ADAMTS16: variants seen among roughly 807,000 people sequenced by gnomAD.
The protein encoded by ADAMTS16 is A disintegrin and metalloproteinase with thrombospondin motifs 16.
In ADAMTS16, 94 loss-of-function variants were observed where a neutral mutation model predicts 145.8. The observed-to-expected ratio is 0.64, with a 90% confidence interval of 0.55 to 0.77. The LOEUF (loss-of-function observed/expected upper bound fraction) is 0.77, where lower values mean the gene tolerates loss of function less well. Among genes scored for constraint, ADAMTS16 ranks in the 30% least tolerant of loss-of-function variants. ADAMTS16 has a pLI of 0.00. For synonymous variants in ADAMTS16, 659 were observed against 604.3 expected, an observed-to-expected ratio of 1.09 and a Z score of -1.33; for missense variants, 1,585 against 1,591.5, an observed-to-expected ratio of 1.00 and a Z score of 0.07.
intron 11 of ADAMTS16, among the ~76,000 whole-genome samples, chr5:5,231,704 T>C (rs1241791515): frequency 6.6e-6 from 1 of 152,190 alleles, no homozygotes; most frequent in African/African-American, 2.4e-5. Context: ...GTGCAGTGAA[T>C]TTGCCATGCG....
chr5:5,301,747 C>T (rs1183113208), intron 18 of ADAMTS16, among the ~76,000 whole-genome samples: 2 of 152,180 alleles, frequency 1.3e-5, no homozygotes, highest in Non-Finnish European at 2.9e-5. Context: ...CACAAGTCCT[C>T]GGGTTTACCC....
At chr5:5,230,010 T>C (rs1736877987) in intron 11 of ADAMTS16, among the ~76,000 whole-genome samples, 1 of 152,154 alleles carries the variant, frequency 6.6e-6, no homozygotes, top group African/African-American at 2.4e-5. Context: ...AGGCATTCTG[T>C]GTGCATATAC....
At chr5:5,173,985 G>A (rs894634646) in intron 3 of ADAMTS16, among the ~76,000 whole-genome samples, 6 of 152,088 alleles carry the variant, frequency 3.9e-5, no homozygotes, top group African/African-American at 1.4e-4. Flanking sequence ...ATTTACAAAC[G>A]TAATTACAGT....
intron 18 of ADAMTS16, among the ~76,000 whole-genome samples, chr5:5,300,133 C>T (rs759915489): frequency 3.9e-5 from 6 of 152,098 alleles, no homozygotes; most frequent in Admixed American, 6.5e-5. Context: ...CTTAACGAGG[C>T]GGTGTGAAAA....
chr5:5,272,428 C>G (rs1425954243), intron 18 of ADAMTS16, among the ~76,000 whole-genome samples: 7 of 140,956 alleles, frequency 5.0e-5, no homozygotes, highest in Non-Finnish European at 9.0e-5. Flanking sequence ...GTGGCGCAAT[C>G]TCGGCTCACT....
chr5:5,197,477 C>T (rs1372201033), intron 8 of ADAMTS16, among the ~76,000 whole-genome samples: 1 of 152,182 alleles, frequency 6.6e-6, no homozygotes, highest in African/African-American at 2.4e-5. Flanking sequence ...AGTCCACTGG[C>T]AGTGGGGCTG....
At position 5,189,984 on chromosome 5, in the gene ADAMTS16, T is replaced by A. The variant is rs755342497; in HGVS notation, c.1061T>A (p.Ile354Lys). 4 of 1,610,904 alleles carry A rather than the reference T, an allele frequency of 2.5e-6. No homozygotes were observed. Among genetic ancestry groups the A allele is most frequent in the Non-Finnish European group, 3.4e-6 (4 of 1,178,910 alleles). ...LLEDEQPGLV[I>K]SHHADHTLSS... ...TCTCTTGCACAGCCAGGACTGGTGA[T>A]AAGTCACCACGCAGACCACACCTTA... is the stretch of plus-strand genomic sequence containing the variant. The change falls in exon 7 of 23, where the codon ATA (isoleucine) becomes AAA (lysine). Residue 354 changes from isoleucine (I) to lysine (K), a missense_variant. Physicochemically the swap from Ile to Lys is moderately radical, Grantham distance 102. This residue lies in a region of ADAMTS16 where 298 missense variants were observed against 367.6 expected (regional missense o/e 0.81). Coordinates refer to ENST00000274181, the MANE Select transcript of ADAMTS16 (RefSeq NM_139056.4).
Position 5,310,162 on chromosome 5 carries a change from G to T in ADAMTS16, c.3411+3434G>T, listed in dbSNP as rs536438119. On this transcript the variant is annotated intron_variant, in intron 21 of 22. Coordinates refer to ENST00000274181, the MANE Select transcript of ADAMTS16 (RefSeq NM_139056.4). The surrounding 1 kb of genome is among the most constrained non-coding windows in gnomAD (Gnocchi z 4.3). ...GCAGCCAAGCATCCCCCAAATGCTT[G>T]GTCAGATGGAACCATTTGTCCCTGA... Among the ~76,000 whole-genome samples the T allele has an allele frequency of 8.5e-5, 13 of 152,126 alleles. 1 individual carries two copies. In the South Asian group the frequency reaches 2.7e-3, roughly 32 times the overall value.
At chr5:5,312,122 T>G (rs1740477603) in intron 21 of ADAMTS16, among the ~76,000 whole-genome samples, 1 of 152,168 alleles carries the variant, frequency 6.6e-6, no homozygotes, top group Non-Finnish European at 1.5e-5. Context: ...CTGCAGGGAC[T>G]GGGAACCCGG....
intron 3 of ADAMTS16, among the ~76,000 whole-genome samples, chr5:5,160,769 A>AC (rs1734721570): frequency 2.0e-5 from 3 of 151,988 alleles, no homozygotes; most frequent in African/African-American, 4.8e-5. Context: ...AAAAAAAAAA[A>AC]AAACCAGCTT....
intron 18 of ADAMTS16, among the ~76,000 whole-genome samples, chr5:5,298,743 T>C (rs1157267145): frequency 1.3e-5 from 2 of 152,256 alleles, no homozygotes; most frequent in Non-Finnish European, 1.5e-5. Context: ...CATGTGAAGA[T>C]GCTGCTATTT....
At chr5:5,277,697 T>G (rs528757705) in intron 18 of ADAMTS16, among the ~76,000 whole-genome samples, 307 of 152,308 alleles carry the variant, frequency 2.0e-3, no homozygotes, top group African/African-American at 7.3e-3. Flanking sequence ...AAGACTAAGC[T>G]GGGTGTGGCG....
intron 18 of ADAMTS16, among the ~76,000 whole-genome samples, chr5:5,266,321 G>C (rs1335030846): frequency 6.6e-6 from 1 of 152,176 alleles, no homozygotes; most frequent in African/African-American, 2.4e-5. Context: ...TGAAGTGATA[G>C]TTGGGACACC....
intron 3 of ADAMTS16, among the ~76,000 whole-genome samples, chr5:5,168,028 A>G (rs1461376706): frequency 6.6e-6 from 1 of 152,210 alleles, no homozygotes; most frequent in Non-Finnish European, 1.5e-5. Context: ...GGCTTCATCT[A>G]ATAGACTTAG....
chr5:5,159,405 G>A (rs1022217891), intron 3 of ADAMTS16, among the ~76,000 whole-genome samples: 1 of 152,148 alleles, frequency 6.6e-6, no homozygotes, highest in African/African-American at 2.4e-5. Context: ...TGGCCTCCTA[G>A]GGCTGAGTGA....
intron 8 of ADAMTS16, among the ~76,000 whole-genome samples, chr5:5,198,530 C>T (rs926380463): frequency 2.0e-5 from 3 of 152,124 alleles, no homozygotes; most frequent in Non-Finnish European, 2.9e-5. Flanking sequence ...AGGTTTCAGC[C>T]TTGACTCGGT....
chr5:5,152,124 A>C (rs907963781), intron 3 of ADAMTS16, among the ~76,000 whole-genome samples: 1 of 152,224 alleles, frequency 6.6e-6, no homozygotes, highest in African/African-American at 2.4e-5. Context: ...CAATGCCCTT[A>C]GGCATGAAAT....
chr5:5,150,460 C>G (rs1734420667), intron 3 of ADAMTS16, among the ~76,000 whole-genome samples: 1 of 152,304 alleles, frequency 6.6e-6, no homozygotes, highest in Non-Finnish European at 1.5e-5. Flanking sequence ...ATACAGCAGC[C>G]TGAGTGGATG....
chr5:5,218,091 A>G (rs1736486009), intron 10 of ADAMTS16, among the ~76,000 whole-genome samples: 1 of 152,226 alleles, frequency 6.6e-6, no homozygotes, highest in African/African-American at 2.4e-5. Flanking sequence ...TTAAGGATAT[A>G]ATGACCTACA....
Sources: allele counts gnomAD v4.1 joint callset (sites outside exome capture counted in the v4.1 genomes callset), GRCh38; gene constraint gnomAD v4.1.1; regional missense constraint gnomAD v4.1.1; non-coding constraint Gnocchi (gnomAD v3.1); transcripts MANE v1.5; gene names NCBI Gene and HGNC (gene_info 2026-07-23, HGNC 2026-07-21).